FOXP2: variants seen among roughly 807,000 people sequenced by gnomAD.
FOXP2 encodes forkhead box P2, also known as forkhead box protein P2.
FOXP2 carries 12 observed loss-of-function variants against 115.8 expected under a neutral mutation model. The observed-to-expected ratio is 0.10, with a 90% CI of 0.07 to 0.17. FOXP2 has a LOEUF of 0.17. Among genes scored for constraint, FOXP2 ranks in the 10% least tolerant of loss-of-function variants. The pLI is 1.00. For missense variants in FOXP2, 629 were observed against 843.5 expected, an observed-to-expected ratio of 0.75 and a Z score of 3.15; for synonymous variants, 328 against 297.7, an observed-to-expected ratio of 1.10 and a Z score of -1.05.
At chr7:114,170,614 C>G (rs1440354448) in intron 1 of FOXP2, among the ~76,000 whole-genome samples, 2 of 152,148 alleles carry the variant, frequency 1.3e-5, no homozygotes, top group South Asian at 2.1e-4. Flanking sequence ...ATGAAACAGG[C>G]TTACTGTTGA....
chr7:114,263,349 C>A (rs919364958), intron 1 of FOXP2, among the ~76,000 whole-genome samples: 2 of 144,728 alleles, frequency 1.4e-5, no homozygotes, highest in African/African-American at 5.1e-5. Context: ...ACTTCTTTTT[C>A]TTTTTTTTTT....
intron 3 of FOXP2, among the ~76,000 whole-genome samples, chr7:114,624,236 A>G (rs573836593): frequency 6.6e-6 from 1 of 152,064 alleles, no homozygotes; most frequent in Non-Finnish European, 1.5e-5. Context: ...ATACTGTAAC[A>G]TAAGAACAAA....
chr7:114,132,581 G>A (rs1391312876), intron 1 of FOXP2, among the ~76,000 whole-genome samples: 2 of 143,140 alleles, frequency 1.4e-5, no homozygotes, highest in Non-Finnish European at 3.1e-5. Flanking sequence ...GTGTGTGTGT[G>A]TGAGAGAGAG....
At chr7:114,541,961 C>T (rs777613467) in intron 3 of FOXP2, among the ~76,000 whole-genome samples, 7 of 151,822 alleles carry the variant, frequency 4.6e-5, no homozygotes, top group Admixed American at 3.9e-4. Flanking sequence ...AAGTGTTATA[C>T]AAGCTAAATT....
intron 1 of FOXP2, among the ~76,000 whole-genome samples, chr7:114,134,570 G>A (rs1427374651): frequency 1.3e-5 from 2 of 151,494 alleles, no homozygotes; most frequent in Admixed American, 6.6e-5. Flanking sequence ...AAAATTAGCC[G>A]GGCGTAGTGG....
At chr7:114,322,751 C>T (rs551918645) in intron 2 of FOXP2, among the ~76,000 whole-genome samples, 4 of 152,242 alleles carry the variant, frequency 2.6e-5, no homozygotes, top group African/African-American at 9.6e-5. Context: ...CTAGTAGTCA[C>T]ATTTGTTAGT....
intron 1 of FOXP2, among the ~76,000 whole-genome samples, chr7:114,187,568 A>G (rs1793644328): frequency 6.6e-6 from 1 of 152,248 alleles, no homozygotes; most frequent in African/African-American, 2.4e-5. Context: ...TGAGCTGACA[A>G]AAGAATTGCC....
At chr7:114,362,719 A>G (rs992834125) in intron 2 of FOXP2, among the ~76,000 whole-genome samples, 6 of 152,128 alleles carry the variant, frequency 3.9e-5, no homozygotes, top group African/African-American at 1.2e-4. Context: ...TTCAGTAAGC[A>G]TATGCTATAA....
chr7:114,519,238 G>A (rs1197610302), intron 2 of FOXP2, among the ~76,000 whole-genome samples: 1 of 152,146 alleles, frequency 6.6e-6, no homozygotes, highest in Non-Finnish European at 1.5e-5. Flanking sequence ...GGTGTTGGCA[G>A]GGTAAGATTT....
At chr7:114,426,382 G>T (rs1246187758) in intron 1 of FOXP2, 120 bp from the exon 2 acceptor site, 4 of 881,256 alleles carry the variant, frequency 4.5e-6, no homozygotes, top group African/African-American at 3.3e-5. Flanking sequence ...GACTATTCAA[G>T]GCTTTTTTCT....
chr7:114,562,053 A>C (rs1185513348), intron 3 of FOXP2, among the ~76,000 whole-genome samples: 1 of 152,084 alleles, frequency 6.6e-6, no homozygotes, highest in African/African-American at 2.4e-5. Context: ...TTATTCCCAC[A>C]TATAGCCCAC....
intron 2 of FOXP2, among the ~76,000 whole-genome samples, chr7:114,395,063 T>C (rs1792705914): frequency 6.6e-6 from 1 of 152,278 alleles, no homozygotes; most frequent in African/African-American, 2.4e-5. Flanking sequence ...GTTAGGTTGG[T>C]CTTTAACAGT....
At chr7:114,098,703 C>G (rs557996364) in intron 1 of FOXP2, among the ~76,000 whole-genome samples, 8 of 151,892 alleles carry the variant, frequency 5.3e-5, no homozygotes, top group African/African-American at 9.7e-5. Flanking sequence ...GCTACAAAAA[C>G]GAAAATAAAT....
chr7:114,109,314 G>A (rs930739653), intron 1 of FOXP2, among the ~76,000 whole-genome samples: 4 of 151,946 alleles, frequency 2.6e-5, no homozygotes, highest in Admixed American at 6.6e-5. Flanking sequence ...TTAATTCCAA[G>A]GTCATGTATT....
chr7:114,388,497 T>C (rs1792511824), intron 2 of FOXP2, among the ~76,000 whole-genome samples: 1 of 152,096 alleles, frequency 6.6e-6, no homozygotes, highest in South Asian at 2.1e-4. Context: ...TAAAACTGAA[T>C]GATCCTGTTG....
chr7:114,344,961 TA>T (rs896477906), intron 2 of FOXP2, among the ~76,000 whole-genome samples: 1 of 151,718 alleles, frequency 6.6e-6, no homozygotes, highest in Non-Finnish European at 1.5e-5. Flanking sequence ...AATTTATTTA[TA>T]AAAAAGTGCA....
chr7:114,198,660 C>T (rs1005946143), intron 1 of FOXP2, among the ~76,000 whole-genome samples: 3 of 152,134 alleles, frequency 2.0e-5, no homozygotes, highest in African/African-American at 7.2e-5. Flanking sequence ...TGGCCCAGTT[C>T]CTAACAGGTC....
chr7:114,393,376 A>G (rs1009240845), intron 2 of FOXP2, among the ~76,000 whole-genome samples: 1 of 151,882 alleles, frequency 6.6e-6, no homozygotes, highest in East Asian at 1.9e-4. Flanking sequence ...CAGCAGTGTG[A>G]TGGAGCTACA....
intron 16 of FOXP2, chr7:114,666,375 A>G (rs1807163240): frequency 1.3e-5 from 2 of 152,066 alleles, no homozygotes; most frequent in Admixed American, 1.3e-4. Flanking sequence ...TGCTGTCATT[A>G]GGTTTTTGCA....
Sources: allele counts gnomAD v4.1 joint callset (sites outside exome capture counted in the v4.1 genomes callset), GRCh38; gene constraint gnomAD v4.1.1; transcripts MANE v1.5; gene names NCBI Gene and HGNC (gene_info 2026-07-23, HGNC 2026-07-21).